Variants in ADAM2 observed in about 807,000 individuals in gnomAD.
ADAM2 encodes the protein ADAM metallopeptidase domain 2.
In ADAM2, 101 loss-of-function variants were observed where a neutral mutation model predicts 99.3. That is an observed-to-expected ratio of 1.02 (90% confidence interval 0.87 to 1.20). The LOEUF is 1.20. Among genes scored for constraint, ADAM2 ranks in the 50% most tolerant of loss-of-function variants. The probability of loss-of-function intolerance (pLI) is 0.00; values close to 1 mark genes in which losing one functional copy is unlikely to be tolerated. For synonymous variants in ADAM2, 323 were observed against 287.6 expected, an observed-to-expected ratio of 1.12 and a Z score of -1.25; for missense variants, 948 against 878.7, an observed-to-expected ratio of 1.08 and a Z score of -1.00.
intron 11 of ADAM2, chr8:39,774,529 A>T (rs188796040): frequency 8.5e-4 from 129 of 152,160 alleles, no homozygotes; most frequent in African/African-American, 2.3e-3. Flanking sequence ...TGCAAATTTC[A>T]TAGTCTCATA....
chr8:39,763,103 C>T (rs1169178328), intron 14 of ADAM2, among the ~76,000 whole-genome samples: 1 of 152,126 alleles, frequency 6.6e-6, no homozygotes, highest in South Asian at 2.1e-4. Context: ...TGCCCAGAGG[C>T]AGCCAATAAT....
intron 15 of ADAM2, among the ~76,000 whole-genome samples, chr8:39,758,551 A>T (rs953051796): frequency 3.3e-5 from 5 of 151,928 alleles, no homozygotes; most frequent in African/African-American, 4.8e-5. Context: ...AAAAAATAAA[A>T]AGTCAGTAAA....
chr8:39,790,047 G>C (rs1197378284), intron 7 of ADAM2, among the ~76,000 whole-genome samples: 1 of 151,786 alleles, frequency 6.6e-6, no homozygotes, highest in African/African-American at 2.4e-5. Flanking sequence ...AACAAGTGTT[G>C]GTGAGGATGT....
rs1280045198 is a variant in ADAM2 at position 39,838,154 on chromosome 8, A to C, written c.32T>G (p.Leu11Arg). The C allele has an allele frequency of 2.5e-6, 4 of 1,614,092 alleles. No homozygotes were observed. The highest frequency in any genetic ancestry group is 3.4e-6 in the Non-Finnish European group (4 of 1,180,012). Residue 11 changes from leucine to arginine, a missense_variant, in exon 1 of 21, where the codon CTC becomes CGC. By Grantham distance (102) the Leu-to-Arg change is moderately radical. Coordinates refer to ENST00000265708, the MANE Select transcript of ADAM2 (RefSeq NM_001464.5). Reference protein sequence around the residue: MWRVLFLLSGLGGLRMDSNFD... With the variant: MWRVLFLLSGRGGLRMDSNFD... ...ACTACTGTCCATCCGCAGCCCGCCG[A>C]GCCCGCTGAGCAGAAACAAGACGCG...
At chr8:39,821,753 T>TA in intron 4 of ADAM2, 91 bp from the exon 5 acceptor site, 1 of 889,112 alleles carries the variant, frequency 1.1e-6, no homozygotes, top group Non-Finnish European at 1.8e-6. Context: ...GTTTTGTTTT[T>TA]ATGCATCAAA....
At chr8:39,764,720 A>G (rs1181317364) in intron 14 of ADAM2, among the ~76,000 whole-genome samples, 1 of 152,120 alleles carries the variant, frequency 6.6e-6, no homozygotes, top group Non-Finnish European at 1.5e-5. Context: ...TGGATCTAAA[A>G]TGCTGCACAC....
intron 12 of ADAM2, among the ~76,000 whole-genome samples, chr8:39,768,217 G>C (rs1439691129): frequency 6.6e-6 from 1 of 152,102 alleles, no homozygotes; most frequent in East Asian, 1.9e-4. Flanking sequence ...AAATTTTCAA[G>C]ATGTTTCCAT....
intron 7 of ADAM2, among the ~76,000 whole-genome samples, chr8:39,791,136 T>A (rs191566200): frequency 6.6e-6 from 1 of 151,846 alleles, no homozygotes; most frequent in Admixed American, 6.6e-5. Context: ...AAAACCTAAG[T>A]TGTTTACTTG....
intron 7 of ADAM2, among the ~76,000 whole-genome samples, chr8:39,808,259 G>C (rs186465380): frequency 6.9e-4 from 102 of 147,530 alleles, no homozygotes; most frequent in African/African-American, 2.5e-3. Context: ...AAAATCACAA[G>C]ATACGAGATC....
At chr8:39,831,900 A>G (rs966070669) in intron 3 of ADAM2, among the ~76,000 whole-genome samples, 5 of 152,192 alleles carry the variant, frequency 3.3e-5, no homozygotes, top group African/African-American at 1.2e-4. Flanking sequence ...AAAGGTTAGC[A>G]GAGTGAGAAA....
chr8:39,768,829 T>G (rs150156020), intron 12 of ADAM2, among the ~76,000 whole-genome samples: 4 of 151,990 alleles, frequency 2.6e-5, no homozygotes, highest in Non-Finnish European at 4.4e-5. Flanking sequence ...GAGGGGAAAA[T>G]AGGGAGATGA....
chr8:39,796,965 C>T (rs1803987307), intron 7 of ADAM2, among the ~76,000 whole-genome samples: 2 of 152,032 alleles, frequency 1.3e-5, no homozygotes, highest in Non-Finnish European at 2.9e-5. Context: ...GGGTAGATTG[C>T]AAAAATTTTC....
rs750647237 is a variant in ADAM2, at chr8:39,809,497, T to G, written c.514-31A>C. The stretch of plus-strand genomic sequence containing the variant: ...AAAATCCACAAATTTTACATCAAAA[T>G]TACAGAATTACTTAAGTATTTTTAG... On this transcript the variant is annotated intron_variant, in intron 6 of 20. Coordinates refer to ENST00000265708, the MANE Select transcript of ADAM2 (RefSeq NM_001464.5). 7 of 1,071,728 alleles carry G rather than the reference T, an allele frequency of 6.5e-6. No homozygotes were observed. The South Asian group carries it at 9.5e-5, about 15-fold the overall frequency. 66.4% of individuals were successfully genotyped at this position (1,071,728 alleles called of 1,614,324 possible).
At chr8:39,770,406 T>C (rs1054795343) in intron 11 of ADAM2, among the ~76,000 whole-genome samples, 2 of 152,218 alleles carry the variant, frequency 1.3e-5, no homozygotes, top group Admixed American at 6.5e-5. Flanking sequence ...TCAGTGTTTC[T>C]TCTTAAGTGT....
chr8:39,799,979 A>G (rs993184669), intron 7 of ADAM2, among the ~76,000 whole-genome samples: 1 of 152,154 alleles, frequency 6.6e-6, no homozygotes, highest in Non-Finnish European at 1.5e-5. Flanking sequence ...CTCCTTATCC[A>G]ATTTGCCAGC....
intron 10 of ADAM2, among the ~76,000 whole-genome samples, chr8:39,780,000 C>T (rs1473821378): frequency 6.6e-6 from 1 of 152,002 alleles, no homozygotes; most frequent in Admixed American, 6.6e-5. Flanking sequence ...TTAGTCTTCT[C>T]TCATGCTGCG....
chr8:39,791,868 G>A (rs916871638), intron 7 of ADAM2, among the ~76,000 whole-genome samples: 3 of 151,986 alleles, frequency 2.0e-5, no homozygotes, highest in Middle Eastern at 3.2e-3. Flanking sequence ...TCAGAGCCGA[G>A]CCACAACTTG....
intron 10 of ADAM2, among the ~76,000 whole-genome samples, chr8:39,784,914 G>C (rs1006355597): frequency 5.3e-5 from 8 of 152,030 alleles, no homozygotes; most frequent in Non-Finnish European, 1.0e-4. Flanking sequence ...TTTTTTGCTT[G>C]TTCAATTGTT....
chr8:39,823,157 T>G (rs1805266435), intron 4 of ADAM2, among the ~76,000 whole-genome samples: 1 of 152,206 alleles, frequency 6.6e-6, no homozygotes, highest in African/African-American at 2.4e-5. Flanking sequence ...CTGTTTGTCC[T>G]GGAGAGATCA....
Sources: gnomAD v4.1 joint callset for allele counts (sites outside exome capture counted in the v4.1 genomes callset) on GRCh38, gnomAD v4.1.1 for gene constraint, MANE v1.5 for transcripts, NCBI Gene and HGNC (gene_info 2026-07-23, HGNC 2026-07-21) for gene names.